ADAM22: variants seen among roughly 807,000 people sequenced by gnomAD.
ADAM22 encodes disintegrin and metalloproteinase domain-containing protein 22.
ADAM22 carries 65 observed loss-of-function variants against 144.6 expected under a neutral mutation model. That is an observed-to-expected ratio of 0.45 (90% confidence interval 0.37 to 0.55). The LOEUF is 0.55. ADAM22 is among the 20% of genes least tolerant of loss of function. The pLI is 0.00. For synonymous variants in ADAM22, 391 were observed against 412.6 expected (o/e 0.95, Z 0.63); for missense variants, 974 against 1,184.9 (o/e 0.82, Z 2.61).
chr7:88,061,095 C>G (rs534842914), intron 3 of ADAM22, among the ~76,000 whole-genome samples: 1 of 151,710 alleles, frequency 6.6e-6, no homozygotes, highest in Non-Finnish European at 1.5e-5. Context: ...CAGAGCAAGA[C>G]TCTGTCTCAA....
chr7:88,079,752 G>T (rs974388689), intron 4 of ADAM22, among the ~76,000 whole-genome samples: 1 of 152,040 alleles, frequency 6.6e-6, no homozygotes, highest in Non-Finnish European at 1.5e-5. Context: ...GACAAAGAAG[G>T]CTATTACATA....
chr7:87,941,340 T>C (rs1842436238), intron 2 of ADAM22, among the ~76,000 whole-genome samples: 2 of 152,208 alleles, frequency 1.3e-5, no homozygotes, highest in African/African-American at 2.4e-5. Flanking sequence ...GATGTACTTA[T>C]ACATATTCCT....
intron 3 of ADAM22, among the ~76,000 whole-genome samples, chr7:88,041,280 A>G (rs141748766): frequency 7.8e-4 from 119 of 152,086 alleles, no homozygotes; most frequent in African/African-American, 2.7e-3. Flanking sequence ...TTAGAATTCT[A>G]CTTACCACAG....
At chr7:87,956,364 G>T (rs894166133) in intron 2 of ADAM22, among the ~76,000 whole-genome samples, 1 of 152,158 alleles carries the variant, frequency 6.6e-6, no homozygotes, top group African/African-American at 2.4e-5. Context: ...ATCAAATACA[G>T]CTGTTGTGAC....
chr7:88,131,202 T>G, intron 10 of ADAM22, 67 bp from the exon 11 acceptor site: 1 of 1,382,946 alleles, frequency 7.2e-7, no homozygotes, highest in Non-Finnish European at 1.0e-6. Flanking sequence ...AGTTTTGTAG[T>G]CCTGTTCATA....
intron 7 of ADAM22, 127 bp from the exon 8 acceptor site, chr7:88,125,462 G>A: frequency 1.7e-6 from 1 of 588,586 alleles, no homozygotes; most frequent in Non-Finnish European, 3.0e-6. Flanking sequence ...TTAATGGTTT[G>A]TGTGATCGTT....
chr7:88,008,908 TAATAAA>T (rs1440501445), intron 3 of ADAM22, among the ~76,000 whole-genome samples: 1 of 80,604 alleles, frequency 1.2e-5, no homozygotes, highest in Non-Finnish European at 3.0e-5. Context: ...ATAATAATAA[TAATAAA>T]AAGAAAAAAA....
chr7:87,937,420 CACAAAGA>C (rs927246208), intron 2 of ADAM22, among the ~76,000 whole-genome samples: 5 of 152,082 alleles, frequency 3.3e-5, no homozygotes, highest in Admixed American at 2.6e-4. Flanking sequence ...TAAAACAATT[CACAAAGA>C]CTTTCTAGGA....
chr7:87,960,380 G>A (rs543129412), intron 2 of ADAM22, among the ~76,000 whole-genome samples: 2 of 151,512 alleles, frequency 1.3e-5, no homozygotes, highest in East Asian at 3.9e-4. Flanking sequence ...AGTGGGGTGT[G>A]TGTGTGTGTG....
intron 3 of ADAM22, among the ~76,000 whole-genome samples, chr7:88,030,477 C>G (rs1799981060): frequency 6.6e-6 from 1 of 152,008 alleles, no homozygotes; most frequent in Non-Finnish European, 1.5e-5. Flanking sequence ...GTCCCTCGTG[C>G]CTTATTTTAT....
chr7:88,135,277 CAAAAAAAAAAAAAAA>C (rs55721029), intron 13 of ADAM22, among the ~76,000 whole-genome samples: 2 of 60,474 alleles, frequency 3.3e-5, no homozygotes, highest in Non-Finnish European at 5.9e-5. Context: ...GACTCCATCT[CAAAAAAAAAAAAAAA>C]AAAAAAAAAA....
chr7:88,010,134 T>C (rs1795025746), intron 3 of ADAM22, among the ~76,000 whole-genome samples: 1 of 152,166 alleles, frequency 6.6e-6, no homozygotes, highest in Non-Finnish European at 1.5e-5. Context: ...AGGTTCTTGG[T>C]GAGCCTACTT....
chr7:88,101,496 A>G (rs1011898732), intron 4 of ADAM22, among the ~76,000 whole-genome samples: 4 of 152,170 alleles, frequency 2.6e-5, no homozygotes, highest in African/African-American at 9.7e-5. Flanking sequence ...CTGAAATACC[A>G]GTATCCTGGG....
At chr7:87,977,997 T>A (rs1380460498) in intron 2 of ADAM22, among the ~76,000 whole-genome samples, 1 of 152,184 alleles carries the variant, frequency 6.6e-6, no homozygotes, top group Non-Finnish European at 1.5e-5. Context: ...TTATTTTCTT[T>A]CCAAATGTAC....
chr7:87,978,939 A>T (rs537403722), intron 3 of ADAM22, among the ~76,000 whole-genome samples: 1 of 152,312 alleles, frequency 6.6e-6, no homozygotes, highest in South Asian at 2.1e-4. Flanking sequence ...TCTATCTAGA[A>T]TTTTAGGTTT....
chr7:88,024,215 T>C (rs1798472638), intron 3 of ADAM22, among the ~76,000 whole-genome samples: 1 of 152,202 alleles, frequency 6.6e-6, no homozygotes, highest in South Asian at 2.1e-4. Context: ...AACAATGGGA[T>C]TTCTGGATCA....
At chr7:88,124,129 A>G (rs942046961) in intron 7 of ADAM22, among the ~76,000 whole-genome samples, 2 of 151,924 alleles carry the variant, frequency 1.3e-5, no homozygotes, top group Non-Finnish European at 2.9e-5. Flanking sequence ...AACTTAGTTA[A>G]ATTGGTTGAT....
intron 5 of ADAM22, among the ~76,000 whole-genome samples, chr7:88,114,141 G>T (rs1563247066): frequency 2.0e-5 from 3 of 152,044 alleles, no homozygotes. Context: ...CATGTTTATG[G>T]TAGGTCGGGC....
At chr7:88,079,895 A>G (rs542293263) in intron 4 of ADAM22, among the ~76,000 whole-genome samples, 5 of 152,268 alleles carry the variant, frequency 3.3e-5, no homozygotes, top group African/African-American at 7.2e-5. Context: ...CACAATAATA[A>G]TGGGAGACTT....
Sources: gnomAD v4.1 joint callset for allele counts (sites outside exome capture counted in the v4.1 genomes callset) on GRCh38, gnomAD v4.1.1 for gene constraint, MANE v1.5 for transcripts, NCBI Gene and HGNC (gene_info 2026-07-23, HGNC 2026-07-21) for gene names.